The following ATP10B variants were observed in gnomAD, a reference collection of about 807,000 sequenced individuals.
The protein encoded by ATP10B is ATPase phospholipid transporting 10B (putative), also known as phospholipid-transporting ATPase VB.
A neutral mutation model predicts 141.2 loss-of-function variants in ATP10B; 122 were observed. The observed-to-expected ratio is 0.86, with a 90% CI of 0.75 to 1.00. The LOEUF (loss-of-function observed/expected upper bound fraction) is 1.00. Among genes scored for constraint, ATP10B ranks in the 50% least tolerant of loss-of-function variants. The probability of loss-of-function intolerance (pLI) is 0.00; values close to 1 mark genes in which losing one functional copy is unlikely to be tolerated. For synonymous variants in ATP10B, 685 were observed against 692.0 expected (o/e 0.99, Z 0.16); for missense variants, 1,876 against 1,825.3 (o/e 1.03, Z -0.51).
intron 1 of ATP10B, among the ~76,000 whole-genome samples, chr5:160,832,321 A>G (rs1775141257): frequency 6.6e-6 from 1 of 152,156 alleles, no homozygotes; most frequent in South Asian, 2.1e-4. Flanking sequence ...TCCATCAGTA[A>G]GAAATTGCCT....
chr5:160,785,192 C>T (rs989591229), intron 2 of ATP10B, among the ~76,000 whole-genome samples: 6 of 152,082 alleles, frequency 3.9e-5, no homozygotes, highest in Admixed American at 3.9e-4. Context: ...TACCTTGGGA[C>T]TTCTTATGAG....
chr5:160,740,913 CTAAT>C (rs1349201416), intron 2 of ATP10B, among the ~76,000 whole-genome samples: 1 of 152,344 alleles, frequency 6.6e-6, no homozygotes, highest in African/African-American at 2.4e-5. Flanking sequence ...TGACAGCTCT[CTAAT>C]TAACTTGGCT....
chr5:160,909,497 G>A, the ATP10B span, among the ~76,000 whole-genome samples: 1 of 152,152 alleles, frequency 6.6e-6, no homozygotes, highest in Non-Finnish European at 1.5e-5. Flanking sequence ...TGAGGCTTTT[G>A]CAGAACCATT....
At chr5:160,749,980 G>A (rs1472780847) in intron 2 of ATP10B, among the ~76,000 whole-genome samples, 1 of 152,106 alleles carries the variant, frequency 6.6e-6, no homozygotes, top group East Asian at 1.9e-4. Flanking sequence ...GATTACCAAC[G>A]GTGAAATTAA....
chr5:160,790,459 A>G (rs531373962), intron 1 of ATP10B, among the ~76,000 whole-genome samples: 16 of 152,186 alleles, frequency 1.1e-4, no homozygotes, highest in African/African-American at 3.6e-4. Context: ...TCTGCCTTAA[A>G]CCTAACCCCT....
chr5:160,907,922 C>T, the ATP10B span, among the ~76,000 whole-genome samples: 1 of 152,214 alleles, frequency 6.6e-6, no homozygotes. Flanking sequence ...GGTGCGCCTC[C>T]TCCATCTCTC....
In ATP10B at chr5:160,640,533, C is replaced by CTAT; in HGVS notation, c.927_928insATA (p.Ile309dup). The stretch of plus-strand genomic sequence containing the variant: ...AAGATGTCTATATTCATGCGCCGCT[C>CTAT]AATCTTGCTGCGTTTGTACCGGGGG... On this transcript the variant is annotated inframe_insertion, in exon 10 of 26. Transcript: ENST00000327245. 6.2e-7 allele frequency: 1 copy of CTAT among 1,614,130 alleles called. No individual in the cohort carries two copies. The highest frequency in any genetic ancestry group is 8.5e-7 in the Non-Finnish European group (1 of 1,179,996).
chr5:160,662,837 G>A (rs201152665), intron 7 of ATP10B, among the ~76,000 whole-genome samples: 8 of 152,222 alleles, frequency 5.3e-5, no homozygotes, highest in South Asian at 2.1e-4. Flanking sequence ...AGCAAAAGAA[G>A]CTACCATCAG....
intron 7 of ATP10B, among the ~76,000 whole-genome samples, chr5:160,660,465 A>C (rs1761832645): frequency 6.6e-6 from 1 of 152,182 alleles, no homozygotes; most frequent in Non-Finnish European, 1.5e-5. Flanking sequence ...AAAAAGAAAA[A>C]CCCACTGAAC....
chr5:160,783,272 G>C (rs1770853371), intron 2 of ATP10B, among the ~76,000 whole-genome samples: 1 of 151,294 alleles, frequency 6.6e-6, no homozygotes, highest in African/African-American at 2.4e-5. Context: ...TACGACGTTT[G>C]GTTTCCAATT....
intron 2 of ATP10B, among the ~76,000 whole-genome samples, chr5:160,775,331 A>ATT (rs1770215686): frequency 6.6e-6 from 1 of 152,192 alleles, no homozygotes; most frequent in Admixed American, 6.5e-5. Context: ...AGGAAGGCAG[A>ATT]TTTAGTCAAA....
chr5:160,804,987 C>A (rs56112001), intron 1 of ATP10B, among the ~76,000 whole-genome samples: 25,679 of 152,100 alleles, frequency 0.17, 2,408 homozygotes, highest in East Asian at 0.35. Context: ...TGGGTTCCCT[C>A]AAATATTGTA....
At chr5:160,588,748 A>T (rs911690278) in intron 24 of ATP10B, among the ~76,000 whole-genome samples, 28 of 152,218 alleles carry the variant, frequency 1.8e-4, no homozygotes, top group African/African-American at 6.5e-4. Flanking sequence ...ATACACGCTA[A>T]TCATGTAGAG....
chr5:160,924,620 A>G, the ATP10B span, among the ~76,000 whole-genome samples: 4 of 152,208 alleles, frequency 2.6e-5, no homozygotes, highest in African/African-American at 7.2e-5. Context: ...ACCTAGTTGG[A>G]GAATGATCCA....
intron 2 of ATP10B, among the ~76,000 whole-genome samples, chr5:160,765,595 G>A (rs1201885160): frequency 6.6e-6 from 1 of 152,032 alleles, no homozygotes; most frequent in Admixed American, 6.6e-5. Flanking sequence ...TCTAAGACTT[G>A]AAACCATAAA....
the ATP10B span, among the ~76,000 whole-genome samples, chr5:160,864,348 A>T: frequency 6.6e-6 from 1 of 152,098 alleles, no homozygotes; most frequent in African/African-American, 2.4e-5. Context: ...ATCTCAATAG[A>T]CACAGAAAAA....
At chr5:160,750,344 C>T (rs141658530) in intron 2 of ATP10B, among the ~76,000 whole-genome samples, 1 of 152,328 alleles carries the variant, frequency 6.6e-6, no homozygotes, top group Non-Finnish European at 1.5e-5. Context: ...AACCTGGCTT[C>T]TTGGTAATCA....
chr5:160,912,661 G>A, the ATP10B span, among the ~76,000 whole-genome samples: 3 of 144,280 alleles, frequency 2.1e-5, no homozygotes, highest in Non-Finnish European at 4.6e-5. Context: ...AGAGAAAAAA[G>A]AGAAGAAAAG....
chr5:160,568,287 A>G (rs1011320500), intron 25 of ATP10B, among the ~76,000 whole-genome samples: 14 of 151,212 alleles, frequency 9.3e-5, no homozygotes, highest in Non-Finnish European at 5.9e-5. Context: ...TTTTAAATCC[A>G]TGATAGTGAT....
Sources: allele counts gnomAD v4.1 joint callset (sites outside exome capture counted in the v4.1 genomes callset), GRCh38; gene constraint gnomAD v4.1.1; transcripts MANE v1.5; gene names NCBI Gene and HGNC (gene_info 2026-07-23, HGNC 2026-07-21).